The following SATL1 variants were observed in gnomAD, a reference collection of about 807,000 sequenced individuals.
SATL1 encodes spermidine/spermine N(1)-acetyltransferase-like protein 1.
A neutral mutation model predicts 51.8 loss-of-function variants in SATL1; 47 were observed. The observed-to-expected ratio is 0.91, with a 90% CI of 0.72 to 1.16. The LOEUF is 1.16. Among genes scored for constraint, SATL1 ranks in the 50% most tolerant of loss-of-function variants. SATL1 has a pLI of 0.00. For missense variants in SATL1, 520 were observed against 526.4 expected, an observed-to-expected ratio of 0.99 and a Z score of 0.12; for synonymous variants, 176 against 182.4, an observed-to-expected ratio of 0.97 and a Z score of 0.28.
At chrX:85,117,707 T>C (rs2147698969) in intron 2 of SATL1, among the ~76,000 whole-genome samples, 1 of 111,724 alleles carries the variant, frequency 9.0e-6, no homozygotes, top group East Asian at 2.8e-4. Flanking sequence ...TATTCATCCA[T>C]AAGCAACAAT....
chrX:85,132,126 T>C (rs2147707573), intron 2 of SATL1, among the ~76,000 whole-genome samples: 1 of 111,118 alleles, frequency 9.0e-6, no homozygotes, highest in East Asian at 2.8e-4. Context: ...AATTATGTGT[T>C]TTGGAGTTGC....
At chrX:85,121,492 T>A (rs1052891819) in intron 2 of SATL1, among the ~76,000 whole-genome samples, 197 of 104,402 alleles carry the variant, frequency 1.9e-3, no homozygotes, top group Non-Finnish European at 3.6e-3. Flanking sequence ...TATTTCTTGT[T>A]AGTATATAGT....
In SATL1 at chrX:85,103,183, C is replaced by A. The variant is rs773866853; in HGVS notation, c.1693+681G>T. Among the ~76,000 whole-genome samples, 4 of 111,527 alleles carry A rather than the reference C, an allele frequency of 3.6e-5. No homozygotes were observed. The South Asian group carries it at 1.1e-3, about 32-fold the overall frequency. ...TCTATTTCTGACCAAGGCACTAAGA[C>A]TAGTTTGTTAGGGCATGGCGCAAAA... On this transcript the variant is annotated intron_variant, in intron 4 of 7. Transcript: ENST00000644105.
At chrX:85,153,114 A>G (rs1427683150) in intron 2 of SATL1, among the ~76,000 whole-genome samples, 2 of 111,251 alleles carry the variant, frequency 1.8e-5, no homozygotes, top group African/African-American at 6.5e-5. Flanking sequence ...TAAAAACACT[A>G]GAAGTTCATA....
intron 1 of SATL1, among the ~76,000 whole-genome samples, chrX:85,236,176 G>A (rs1376105273): frequency 1.8e-5 from 2 of 111,082 alleles, no homozygotes; most frequent in Admixed American, 9.5e-5. Flanking sequence ...AACAAGTAAC[G>A]AGACTCAAGC....
At chrX:85,189,561 G>C (rs1927390890) in intron 2 of SATL1, among the ~76,000 whole-genome samples, 1 of 111,883 alleles carries the variant, frequency 8.9e-6, no homozygotes, top group Non-Finnish European at 1.9e-5. Flanking sequence ...TAGCTACTTT[G>C]TGAATCTACT....
chrX:85,178,687 A>C (rs1927137479), intron 2 of SATL1, among the ~76,000 whole-genome samples: 1 of 110,635 alleles, frequency 9.0e-6, no homozygotes. Flanking sequence ...TGATTTAGTC[A>C]GTCGTAATTT....
intron 2 of SATL1, among the ~76,000 whole-genome samples, chrX:85,198,340 T>C (rs1390373860): frequency 8.9e-6 from 1 of 111,802 alleles, no homozygotes; most frequent in Non-Finnish European, 1.9e-5. Context: ...CTTTTGGGTA[T>C]ATAGCTAGCA....
At chrX:85,172,830 T>G (rs754628828) in intron 2 of SATL1, among the ~76,000 whole-genome samples, 1 of 110,956 alleles carries the variant, frequency 9.0e-6, no homozygotes, top group South Asian at 3.8e-4. Flanking sequence ...GGTTACAGGG[T>G]TATTAGCTGG....
intron 2 of SATL1, chrX:85,153,978 G>T (rs2147723877): frequency 8.9e-6 from 1 of 112,003 alleles, no homozygotes; most frequent in African/African-American, 3.2e-5. Context: ...AATGAATCCA[G>T]AAATAATGAA....
chrX:85,124,805 T>C (rs56273616), intron 2 of SATL1, among the ~76,000 whole-genome samples: 15,473 of 110,416 alleles, frequency 0.14, 1,704 homozygotes, highest in African/African-American at 0.37. Context: ...ACAAGAGAAG[T>C]CTTTGGATCC....
chrX:85,158,889 C>A (rs944174767), intron 2 of SATL1, among the ~76,000 whole-genome samples: 1 of 111,669 alleles, frequency 9.0e-6, no homozygotes, highest in Non-Finnish European at 1.9e-5. Flanking sequence ...TAGGAGGAGA[C>A]AAGCTAAGCT....
At chrX:85,157,959 G>T (rs1028418528) in intron 2 of SATL1, among the ~76,000 whole-genome samples, 3 of 111,361 alleles carry the variant, frequency 2.7e-5, no homozygotes, top group Non-Finnish European at 3.8e-5. Context: ...TGGACTACAG[G>T]TTAACAACTT....
At chrX:85,102,049 T>A (rs1353180736) in intron 4 of SATL1, among the ~76,000 whole-genome samples, 2 of 101,679 alleles carry the variant, frequency 2.0e-5, no homozygotes, top group African/African-American at 3.5e-5. Context: ...TTATTTTTTT[T>A]AATTTATTTT....
At chrX:85,218,637 T>A (rs1310678726) in intron 2 of SATL1, among the ~76,000 whole-genome samples, 2 of 112,171 alleles carry the variant, frequency 1.8e-5, no homozygotes, top group African/African-American at 6.5e-5. Context: ...ATGGAATATT[T>A]CATAAAAGCA....
chrX:85,194,825 A>G lies in SATL1; in HGVS notation c.-313+29380T>C, dbSNP rs758113681. 9.3e-4 allele frequency among the ~76,000 whole-genome samples: 94 copies of G among 101,373 alleles called. 4 individuals carry two copies. Among genetic ancestry groups the G allele is most frequent in the Non-Finnish European group, 2.6e-4 (13 of 50,019 alleles). The allele number at this position is 101,373 out of a possible 115,157, so 88.0% of individuals were successfully genotyped here. ...ACTCATAAGTGGGAGTTGAACAATGAGAACACATGGACACAGGAAGGGGAA... is the reference window on the plus strand; with the variant it reads ...ACTCATAAGTGGGAGTTGAACAATGGGAACACATGGACACAGGAAGGGGAA... On this transcript the variant is annotated intron_variant, in intron 2 of 7. Coordinates refer to ENST00000644105, the MANE Select transcript of SATL1 (RefSeq NM_001367857.2).
At chrX:85,228,691 TG>T (rs1256350792) in intron 1 of SATL1, among the ~76,000 whole-genome samples, 1 of 111,787 alleles carries the variant, frequency 8.9e-6, no homozygotes, top group Non-Finnish European at 1.9e-5. Context: ...TCCATGCAAC[TG>T]GTCACTTCTT....
At chrX:85,143,535 G>A (rs746734632) in intron 2 of SATL1, 5 of 111,383 alleles carry the variant, frequency 4.5e-5, no homozygotes, top group Non-Finnish European at 7.5e-5. Context: ...TATTTCTATA[G>A]GTTAAAGGTA....
intron 2 of SATL1, among the ~76,000 whole-genome samples, chrX:85,134,168 T>TGTGTGTGTGTGTGTATA (rs1290521535): frequency 4.5e-5 from 5 of 110,045 alleles, no homozygotes; most frequent in South Asian, 3.8e-4. Flanking sequence ...TGTATATATA[T>TGTGTGTGTGTGTGTATA]GTGTGTGTGT....
Sources: allele counts gnomAD v4.1 joint callset (sites outside exome capture counted in the v4.1 genomes callset), GRCh38; gene constraint gnomAD v4.1.1; transcripts MANE v1.5; gene names NCBI Gene and HGNC (gene_info 2026-07-23, HGNC 2026-07-21).